The following PARG variants were observed in gnomAD, a reference collection of about 807,000 sequenced individuals.
The protein encoded by PARG is mitochondrial poly(ADP-ribose) glycohydrolase.
In PARG, 35 loss-of-function variants were observed where a neutral mutation model predicts 113.0. The ratio of observed to expected loss-of-function variants is 0.31; its 90% CI spans 0.24 to 0.41. PARG has a LOEUF of 0.41. Among genes scored for constraint, PARG ranks in the 10% least tolerant of loss-of-function variants. PARG has a pLI of 1.00. For missense variants in PARG, 797 were observed against 1,169.4 expected (o/e 0.68, Z 4.64); for synonymous variants, 330 against 409.9 (o/e 0.81, Z 2.36).
intron 7 of PARG, among the ~76,000 whole-genome samples, chr10:49,907,019 A>C (rs1848623569): frequency 6.6e-6 from 1 of 152,046 alleles, no homozygotes; most frequent in African/African-American, 2.4e-5. Flanking sequence ...CTCCCAGTGG[A>C]AGATGCCCTT....
Position 49,819,372 on chromosome 10 carries a change from C to A in PARG, c.2899G>T (p.Ala967Ser). The change falls in exon 18 of 18, where the codon GCT becomes TCT. Residue 967 changes from alanine (A) to serine (S), a missense_variant. By Grantham distance (99) the Ala-to-Ser change is moderately conservative (BLOSUM62 1). Coordinates refer to ENST00000616448, the MANE Select transcript of PARG (RefSeq NM_003631.5). ...CCTGTCCTTTGCCCTGAATGGTCAG[C>A]GGTCTCTGCACAGGACTCGACAGCA... is the stretch of plus-strand genomic sequence containing the variant. ...YHAVESCAET[A>S]DHSGQRTGT The A allele has an allele frequency of 6.4e-7, 1 of 1,551,468 alleles. No homozygotes were observed. The highest frequency in any genetic ancestry group is 1.2e-5 in the South Asian group (1 of 84,034).
At chr10:49,916,874 A>AC (rs1837499842) in intron 6 of PARG, among the ~76,000 whole-genome samples, 1 of 152,098 alleles carries the variant, frequency 6.6e-6, no homozygotes, top group African/African-American at 2.4e-5. Context: ...ACTGAGGCAC[A>AC]CAGGTCTGAA....
chr10:49,840,351 T>C (rs1273779654), intron 15 of PARG, among the ~76,000 whole-genome samples: 2 of 148,580 alleles, frequency 1.3e-5, no homozygotes, highest in African/African-American at 2.5e-5. Context: ...TGATCGCACA[T>C]GCCACTGCAC....
At chr10:49,892,414 CTTAA>C (rs1249030870) in intron 7 of PARG, among the ~76,000 whole-genome samples, 5 of 151,960 alleles carry the variant, frequency 3.3e-5, no homozygotes, top group Non-Finnish European at 7.4e-5. Flanking sequence ...TTTGTGTTAC[CTTAA>C]TTTTTAAAAT....
chr10:49,903,926 AAGC>A (rs1564645273), intron 7 of PARG, among the ~76,000 whole-genome samples: 2 of 152,196 alleles, frequency 1.3e-5, no homozygotes, highest in Non-Finnish European at 2.9e-5. Context: ...CACTGTGTGT[AAGC>A]AGCATGAAGG....
intron 16 of PARG, among the ~76,000 whole-genome samples, chr10:49,822,216 ATGTGTATC>A (rs1220619315): frequency 6.6e-6 from 1 of 151,990 alleles, no homozygotes; most frequent in Non-Finnish European, 1.5e-5. Flanking sequence ...TGTCGAAAAT[ATGTGTATC>A]TGTGTGTGTG....
At chr10:49,939,404 T>C (rs1487364306) in intron 1 of PARG, among the ~76,000 whole-genome samples, 2 of 152,216 alleles carry the variant, frequency 1.3e-5, no homozygotes, top group African/African-American at 4.8e-5. Flanking sequence ...GCATCACACA[T>C]AGTAAGGTTA....
intron 16 of PARG, among the ~76,000 whole-genome samples, chr10:49,828,092 C>CAAAAAAAA (rs71026274): frequency 0.012 from 625 of 50,388 alleles, 139 homozygotes; most frequent in Middle Eastern, 0.024. Flanking sequence ...AAAGCTTAAA[C>CAAAAAAAA]AAAAAAAAAA....
chr10:49,918,184 T>C (rs1837608475), intron 6 of PARG, among the ~76,000 whole-genome samples: 1 of 152,196 alleles, frequency 6.6e-6, no homozygotes, highest in African/African-American at 2.4e-5. Context: ...TTCTGTATCT[T>C]GATTATAATG....
intron 7 of PARG, among the ~76,000 whole-genome samples, chr10:49,889,059 GT>G (rs61640355): frequency 6.3e-5 from 9 of 143,056 alleles, no homozygotes; most frequent in South Asian, 2.2e-4. Flanking sequence ...TCTCTGGATA[GT>G]TTTTTTTTTT....
chr10:49,833,422 T>C (rs1844766894), intron 15 of PARG: 1 of 152,280 alleles, frequency 6.6e-6, no homozygotes, highest in African/African-American at 2.4e-5. Flanking sequence ...TTCCTGCTAC[T>C]GACATACTTA....
intron 6 of PARG, among the ~76,000 whole-genome samples, chr10:49,916,806 G>T (rs1187858504): frequency 5.5e-4 from 83 of 152,074 alleles, no homozygotes; most frequent in African/African-American, 1.8e-3. Context: ...TAAAGTAATA[G>T]ATATGTAGAA....
At chr10:49,937,021 C>T (rs1293068765) in intron 1 of PARG, among the ~76,000 whole-genome samples, 8 of 152,156 alleles carry the variant, frequency 5.3e-5, no homozygotes, top group South Asian at 4.1e-4. Flanking sequence ...ATTACTTCCA[C>T]GATTTTATTT....
chr10:49,903,769 C>T (rs1186212740), intron 7 of PARG, among the ~76,000 whole-genome samples: 2 of 150,766 alleles, frequency 1.3e-5, no homozygotes, highest in African/African-American at 4.9e-5. Context: ...AGTCATTAGA[C>T]CATCAGGTTT....
Position 49,843,640 on chromosome 10 carries a change from A to G in PARG, c.2354-8T>C. ...CACTGTACTGCTCAGTACCTGAAAC[A>G]AACAATCTGTCACTATTAACTTCAC... On this transcript the variant is annotated splice_region_variant and splice_polypyrimidine_tract_variant and intron_variant, in intron 13 of 17. Transcript: ENST00000616448. 6.5e-7 allele frequency: 1 copy of G among 1,535,420 alleles called. No individual in the cohort carries two copies. Among genetic ancestry groups the G allele is most frequent in the Non-Finnish European group, 8.8e-7 (1 of 1,132,198 alleles).
chr10:49,845,135 A>G (rs1554833123), intron 13 of PARG, among the ~76,000 whole-genome samples: 1 of 152,234 alleles, frequency 6.6e-6, no homozygotes, highest in East Asian at 1.9e-4. Flanking sequence ...GAGGATGGAA[A>G]ACAAGTGGAA....
chr10:49,833,609 G>A (rs2579039), intron 15 of PARG, among the ~76,000 whole-genome samples: 1 of 152,200 alleles, frequency 6.6e-6, no homozygotes, highest in Non-Finnish European at 1.5e-5. Flanking sequence ...TGCTGGCTAA[G>A]TATTAATTAA....
chr10:49,894,395 T>TA (rs1252176257), intron 7 of PARG, among the ~76,000 whole-genome samples: 1 of 152,128 alleles, frequency 6.6e-6, no homozygotes, highest in African/African-American at 2.4e-5. Context: ...CAAGTATTTA[T>TA]AAGTTTTTTT....
intron 7 of PARG, 84 bp downstream of exon 7, chr10:49,915,833 T>G (rs1269260440): frequency 2.8e-6 from 2 of 715,912 alleles, no homozygotes; most frequent in Non-Finnish European, 4.9e-6. Context: ...ATTATCTTAG[T>G]GTGGCAGAAT....
Sources: gnomAD v4.1 joint callset for allele counts (sites outside exome capture counted in the v4.1 genomes callset) on GRCh38, gnomAD v4.1.1 for gene constraint, MANE v1.5 for transcripts, NCBI Gene and HGNC (gene_info 2026-07-23, HGNC 2026-07-21) for gene names.